XPO7: variants seen among roughly 807,000 people sequenced by gnomAD.
XPO7 encodes exportin-7.
In XPO7, 21 loss-of-function variants were observed where a neutral mutation model predicts 144.3. The observed-to-expected ratio is 0.15, with a 90% CI of 0.10 to 0.21. The LOEUF is 0.21. XPO7 is among the 10% of genes least tolerant of loss of function. The pLI is 1.00. For synonymous variants in XPO7, 580 were observed against 499.6 expected, an observed-to-expected ratio of 1.16 and a Z score of -2.15; for missense variants, 808 against 1,325.8, an observed-to-expected ratio of 0.61 and a Z score of 6.06.
chr8:21,981,624 TA>T, intron 9 of XPO7, 106 bp from the exon 10 acceptor site: 1 of 1,396,856 alleles, frequency 7.2e-7, no homozygotes, highest in Non-Finnish European at 9.8e-7. Flanking sequence ...GCCCAGAAGT[TA>T]AAAAGTAGAT....
chr8:21,978,850 C>G (rs1261557635), intron 8 of XPO7, among the ~76,000 whole-genome samples: 1 of 152,212 alleles, frequency 6.6e-6, no homozygotes, highest in African/African-American at 2.4e-5. Flanking sequence ...TCCCTCTGCC[C>G]TCTAATCTCC....
chr8:21,979,944 A>C, intron 8 of XPO7, 140 bp from the exon 9 acceptor site: 2 of 1,053,524 alleles, frequency 1.9e-6, no homozygotes, highest in Non-Finnish European at 2.6e-6. Context: ...GCTTGGATCT[A>C]TGTTCTTTTC....
rs528012372 is a variant in XPO7 at position 21,946,775 on chromosome 8, C to T, written c.19-20082C>T. Among the ~76,000 whole-genome samples the T allele has an allele frequency of 1.2e-3, 186 of 151,428 alleles. 1 individual carries two copies. Among genetic ancestry groups the T allele is most frequent in the Non-Finnish European group, 2.4e-3 (164 of 67,918 alleles). ...CTAAAACAGGATAAATTTTAAAACT[C>T]ATACCTACACACTTTATAGTAAAGC... On this transcript the variant is annotated intron_variant, in intron 1 of 27. Coordinates refer to ENST00000252512, the MANE Select transcript of XPO7 (RefSeq NM_015024.5).
chr8:22,001,377 CAG>C (rs1813141561), intron 24 of XPO7, among the ~76,000 whole-genome samples: 1 of 151,974 alleles, frequency 6.6e-6, no homozygotes, highest in South Asian at 2.1e-4. Flanking sequence ...CCGTAGGAAT[CAG>C]AGACTTGTTT....
rs1170364778 is a variant in XPO7 at position 21,989,821 on chromosome 8, C to CTTTTTTTTTTTTTTTTT, written c.1869-493_1869-477dup. Among the ~76,000 whole-genome samples the CTTTTTTTTTTTTTTTTT allele has an allele frequency of 3.6e-3, 217 of 59,712 alleles. 72 individuals carry two copies. The highest frequency in any genetic ancestry group is 6.1e-3 in the Non-Finnish European group (169 of 27,888). The allele number at this position is 59,712 out of a possible 152,430, so 39.2% of individuals were successfully genotyped here. A position where few individuals can be genotyped will look rare whatever the true frequency, so the allele number is the denominator to read the frequency against. On this transcript the variant is annotated intron_variant, in intron 16 of 27. Coordinates refer to ENST00000252512, the MANE Select transcript of XPO7 (RefSeq NM_015024.5). ...AATAGGAGTTTGGTATAGGTGTTTC[C>CTTTTTTTTTTTTTTTTT]TTTTTTTTTTTTTTTTTTTTTTTTT...
chr8:22,005,054 C>T lies in XPO7; in HGVS notation c.3230C>T (p.Thr1077Ile), dbSNP rs1430151301. ...REVNDSMKNS[T>I]YGVNSNDMMS ...GTCAACGACTCAATGAAGAATTCCA[C>T]TTATGGCGTGAATAGCAATGACATG... Residue 1077 changes from threonine to isoleucine, a missense_variant, in exon 28 of 28, where the codon ACT becomes ATT. Thr to Ile is a moderately conservative substitution (Grantham distance 89, BLOSUM62 -1). Transcript: ENST00000252512. 6.2e-7 allele frequency: 1 copy of T among 1,612,990 alleles called. No homozygotes were observed. The highest frequency in any genetic ancestry group is 2.2e-5 in the East Asian group (1 of 44,854).
In XPO7 at chr8:21,965,807, A is replaced by T. The variant is rs569482369; in HGVS notation, c.19-1050A>T. Among the ~76,000 whole-genome samples, 239 of 152,306 alleles carry T rather than the reference A, an allele frequency of 1.6e-3. 1 individual carries two copies. The highest frequency in any genetic ancestry group is 3.5e-3 in the Admixed American group (53 of 15,310). On this transcript the variant is annotated intron_variant, in intron 1 of 27. Transcript: ENST00000252512. ...GCCTTGGGCAGACTGGCTGTGTAAT[A>T]TATTTTAGGCAATTTACACAGGTTG...
intron 1 of XPO7, among the ~76,000 whole-genome samples, chr8:21,959,795 T>C (rs1408688626): frequency 6.6e-6 from 1 of 152,214 alleles, no homozygotes; most frequent in African/African-American, 2.4e-5. Flanking sequence ...TTAAAAATCA[T>C]GTAACAAAAT....
chr8:21,925,318 C>T (rs1417680981), intron 1 of XPO7, among the ~76,000 whole-genome samples: 1 of 152,226 alleles, frequency 6.6e-6, no homozygotes, highest in African/African-American at 2.4e-5. Context: ...GACACACACA[C>T]ACTCCTACTG....
intron 1 of XPO7, among the ~76,000 whole-genome samples, chr8:21,948,316 C>T (rs374558496): frequency 6.6e-6 from 1 of 152,156 alleles, no homozygotes; most frequent in Admixed American, 6.5e-5. Context: ...TTAAACATAC[C>T]TGCTTAGGTG....
chr8:21,952,640 A>T (rs1446795204), intron 1 of XPO7, among the ~76,000 whole-genome samples: 1 of 152,220 alleles, frequency 6.6e-6, no homozygotes, highest in African/African-American at 2.4e-5. Context: ...AAAATATTTT[A>T]TACCAGATAA....
chr8:21,940,481 T>G (rs917786821), intron 1 of XPO7, among the ~76,000 whole-genome samples: 21 of 151,996 alleles, frequency 1.4e-4, no homozygotes, highest in Non-Finnish European at 3.1e-4. Flanking sequence ...AGGCTTTTTT[T>G]TTTTTTGAGC....
At chr8:21,981,589 G>GT in intron 9 of XPO7, 142 bp from the exon 10 acceptor site, 2 of 968,518 alleles carry the variant, frequency 2.1e-6, no homozygotes, top group East Asian at 5.1e-5. Flanking sequence ...TTATGCAGAC[G>GT]TATCATTCTG....
chr8:21,947,776 A>G (rs999117002), intron 1 of XPO7, among the ~76,000 whole-genome samples: 2 of 152,240 alleles, frequency 1.3e-5, no homozygotes, highest in South Asian at 4.1e-4. Flanking sequence ...GGAAAAAGCA[A>G]TCTACAAAGT....
chr8:21,992,221 T>C (rs1812794283), intron 19 of XPO7, among the ~76,000 whole-genome samples: 2 of 152,208 alleles, frequency 1.3e-5, no homozygotes, highest in African/African-American at 2.4e-5. Flanking sequence ...CATAAAGTTG[T>C]TTACAGTTTT....
intron 13 of XPO7, among the ~76,000 whole-genome samples, chr8:21,986,114 G>C (rs1229457200): frequency 1.3e-5 from 2 of 150,090 alleles, no homozygotes; most frequent in Non-Finnish European, 3.0e-5. Context: ...TTTCATCTGT[G>C]CAATTCTCAT....
chr8:21,924,086 G>A (rs1445963654), intron 1 of XPO7, among the ~76,000 whole-genome samples: 1 of 152,150 alleles, frequency 6.6e-6, no homozygotes, highest in East Asian at 1.9e-4. Flanking sequence ...CTTGACTTGA[G>A]GATAGAGAAT....
intron 1 of XPO7, among the ~76,000 whole-genome samples, chr8:21,951,372 C>T (rs1811367905): frequency 6.6e-6 from 1 of 151,878 alleles, no homozygotes; most frequent in South Asian, 2.1e-4. Context: ...TTACTCTTCT[C>T]TGTTTTTTTT....
rs955929122 is a variant in XPO7, at chr8:21,919,731, G to A, written c.-40G>A. 12 of 383,936 alleles carry A rather than the reference G, an allele frequency of 3.1e-5. No homozygotes were observed. The highest frequency in any genetic ancestry group is 1.3e-4 in the East Asian group (1 of 7,752). 23.8% of individuals were successfully genotyped at this position (383,936 alleles called of 1,614,324 possible). ...GCGGCTCCGGCCGAGGTGCGCGCTG[G>A]GGGGGAGGGGGGGCCGGAGAGGAGC... On this transcript the variant is annotated 5_prime_UTR_variant, in exon 1 of 28. Transcript: ENST00000252512.
Sources: gnomAD v4.1 joint callset for allele counts (sites outside exome capture counted in the v4.1 genomes callset) on GRCh38, gnomAD v4.1.1 for gene constraint, MANE v1.5 for transcripts, NCBI Gene and HGNC (gene_info 2026-07-23, HGNC 2026-07-21) for gene names.